Variants in MAML1 observed in about 807,000 individuals in gnomAD.
MAML1 encodes the protein mastermind like transcriptional coactivator 1, also known as mastermind-like protein 1.
MAML1 carries 14 observed loss-of-function variants against 77.1 expected under a neutral mutation model. That is an observed-to-expected ratio of 0.18 (90% CI 0.12 to 0.28). The LOEUF is 0.28. Ranked by LOEUF, MAML1 falls within the 10% of genes least tolerant of loss-of-function variation. The probability of loss-of-function intolerance (pLI) is 1.00; values close to 1 mark genes in which losing one functional copy is unlikely to be tolerated. For synonymous variants in MAML1, 516 were observed against 551.9 expected, an observed-to-expected ratio of 0.93 and a Z score of 0.91; for missense variants, 1,217 against 1,327.8, an observed-to-expected ratio of 0.92 and a Z score of 1.30.
At position 179,774,605 on chromosome 5, in the gene MAML1, G is replaced by A. The variant is rs746556722; in HGVS notation, c.2779G>A (p.Gly927Ser). The A allele has an allele frequency of 2.5e-6, 4 of 1,612,084 alleles. No individual in the cohort carries two copies. In the African/African-American group the frequency reaches 5.3e-5, roughly 22 times the overall value. ...ACCACCCCCAACAGCCCCTCAGCAG[G>A]GCTTGCCTGGCCTGAGCCCAGCAGG... The part of the protein sequence containing the change: ...PAPPPTAPQQ[G>S]LPGLSPAGPE... Residue 927 changes from glycine (G) to serine (S), a missense_variant, in exon 5 of 5, where the codon GGC becomes AGC. This residue lies in a region of MAML1 where 884 missense variants were observed against 949.3 expected (regional missense o/e 0.93). Transcript: ENST00000292599.
chr5:179,775,083 G>T lies in MAML1; in HGVS notation c.*206G>T. ...GTTGAGGTCCATCGGGCTGGCCCCAGCCCATCTGCTGGCATCAGTACCTGG... is the reference window on the plus strand; with the variant it reads ...GTTGAGGTCCATCGGGCTGGCCCCATCCCATCTGCTGGCATCAGTACCTGG... On this transcript the variant is annotated 3_prime_UTR_variant, in exon 5 of 5. Coordinates refer to ENST00000292599, the MANE Select transcript of MAML1 (RefSeq NM_014757.5). 1 of 1,378,218 alleles carries T rather than the reference G, an allele frequency of 7.3e-7. No homozygotes were observed. Among genetic ancestry groups the T allele is most frequent in the East Asian group, 2.7e-5 (1 of 36,956 alleles). The allele number at this position is 1,378,218 out of a possible 1,614,324, so 85.4% of individuals were successfully genotyped here.
At chr5:179,752,964 G>A (rs1304979498) in intron 1 of MAML1, among the ~76,000 whole-genome samples, 3 of 152,026 alleles carry the variant, frequency 2.0e-5, no homozygotes, top group Non-Finnish European at 2.9e-5. Context: ...GTAGAGACAG[G>A]GTTTCACCAT....
At chr5:179,735,593 G>T (rs1441906544) in intron 1 of MAML1, among the ~76,000 whole-genome samples, 12 of 152,090 alleles carry the variant, frequency 7.9e-5, no homozygotes, top group Admixed American at 7.9e-4. Context: ...GTTTCACCAT[G>T]TTGACCAGGC....
At chr5:179,767,259 A>G (rs1779839329) in intron 2 of MAML1, among the ~76,000 whole-genome samples, 1 of 152,086 alleles carries the variant, frequency 6.6e-6, no homozygotes, top group Non-Finnish European at 1.5e-5. Flanking sequence ...TCAAATGGAA[A>G]ATGGCCCTTC....
intron 1 of MAML1, 96 bp downstream of exon 1, chr5:179,733,523 AGGCGTCC>A: frequency 1.1e-6 from 1 of 948,334 alleles, no homozygotes; most frequent in Non-Finnish European, 1.3e-6. Context: ...AGACTTCCCC[AGGCGTCC>A]GCGACTCCTG....
Position 179,733,409 on chromosome 5 carries a change from G to T in MAML1, c.297G>T (p.Glu99Asp). ...GCCTGGACGCCGCTGACGGCCCCGAGCACGGCCGCCCGGCCACGGTGAGTA... is the reference window on the plus strand; with the variant it reads ...GCCTGGACGCCGCTGACGGCCCCGATCACGGCCGCCCGGCCACGGTGAGTA... ...APRLDAADGP[E>D]HGRPATHLHD... The change falls in exon 1 of 5, where the codon GAG (glutamate) becomes GAT (aspartate). Residue 99 changes from glutamate (E) to aspartate (D), a missense_variant. Transcript: ENST00000292599. The T allele has an allele frequency of 8.9e-7, 1 of 1,117,648 alleles. No homozygotes were observed. The highest frequency in any genetic ancestry group is 1.1e-6 in the Non-Finnish European group (1 of 918,640). 69.2% of individuals were successfully genotyped at this position (1,117,648 alleles called of 1,614,324 possible).
rs1033740252 is a variant in MAML1 at position 179,769,398 on chromosome 5, G to A, written c.1971+309G>A. ...GCAGCTTCCAAGCCACTGAGCTCAC[G>A]TGTCTGTCATTCCACTATGGAGTCA... On this transcript the variant is annotated intron_variant, in intron 3 of 4. Transcript: ENST00000292599. This position sits in a 1 kb window ranked among gnomAD's most constrained non-coding sequence, Gnocchi z 4.2. Among the ~76,000 whole-genome samples, 2 of 152,124 alleles carry A rather than the reference G, an allele frequency of 1.3e-5. No homozygotes were observed. The highest frequency in any genetic ancestry group is 2.4e-5 in the African/African-American group (1 of 41,430).
At chr5:179,743,140 C>T (rs1012252684) in intron 1 of MAML1, among the ~76,000 whole-genome samples, 6 of 151,412 alleles carry the variant, frequency 4.0e-5, no homozygotes, top group Middle Eastern at 3.4e-3. Flanking sequence ...GCAACCTCCA[C>T]CTCCCGGGTT....
chr5:179,743,812 C>G (rs2113341208), intron 1 of MAML1, among the ~76,000 whole-genome samples: 1 of 152,034 alleles, frequency 6.6e-6, no homozygotes, highest in East Asian at 1.9e-4. Context: ...TGAAATAATA[C>G]ATTTAGGTAA....
rs1179250067 is a variant in MAML1, at chr5:179,769,501, T to C, written c.1971+412T>C. Among the ~76,000 whole-genome samples, 2 of 152,058 alleles carry C rather than the reference T, an allele frequency of 1.3e-5. No individual in the cohort carries two copies. The highest frequency in any genetic ancestry group is 2.9e-5 in the Non-Finnish European group (2 of 68,016). ...GAAGTCATCCCTGAGGGAAACACAGTTCACTCGCTTGGTTAGCAAGTGTAG... is the reference window on the plus strand; with the variant it reads ...GAAGTCATCCCTGAGGGAAACACAGCTCACTCGCTTGGTTAGCAAGTGTAG... On this transcript the variant is annotated intron_variant, in intron 3 of 4. Coordinates refer to ENST00000292599, the MANE Select transcript of MAML1 (RefSeq NM_014757.5). The surrounding 1 kb of genome is among the most constrained non-coding windows in gnomAD (Gnocchi z 4.2).
Position 179,739,571 on chromosome 5 carries a change from C to T in MAML1, c.315+6144C>T, listed in dbSNP as rs1012121795. Among the ~76,000 whole-genome samples the T allele has an allele frequency of 2.0e-5, 3 of 152,162 alleles. No individual in the cohort carries two copies. In the East Asian group the frequency reaches 5.8e-4, roughly 29 times the overall value. On this transcript the variant is annotated intron_variant, in intron 1 of 4. Transcript: ENST00000292599. ...TGGTGGCATGCATCTGTATTCTCAG[C>T]TCCTCGGGAGACCGAAGTAGGAGGA...
At chr5:179,741,938 G>A (rs1284503066) in intron 1 of MAML1, among the ~76,000 whole-genome samples, 4 of 151,620 alleles carry the variant, frequency 2.6e-5, no homozygotes, top group South Asian at 2.1e-4. Context: ...TCCGTCTGTC[G>A]CCAGGCTGGA....
At chr5:179,749,615 G>A (rs145254179) in intron 1 of MAML1, among the ~76,000 whole-genome samples, 39 of 152,322 alleles carry the variant, frequency 2.6e-4, no homozygotes, top group African/African-American at 7.7e-4. Flanking sequence ...GCTACTGGAA[G>A]ATGTGTTCCA....
Position 179,769,678 on chromosome 5 carries a change from G to A in MAML1, c.1971+589G>A, listed in dbSNP as rs1285568852. ...TGCAATTCTCCTGCCTCAGCCTCCC[G>A]AGTAGCTGGGACTACAGGCAAGAAC... On this transcript the variant is annotated intron_variant, in intron 3 of 4. Coordinates refer to ENST00000292599, the MANE Select transcript of MAML1 (RefSeq NM_014757.5). This position sits in a 1 kb window ranked among gnomAD's most constrained non-coding sequence, Gnocchi z 4.2. Among the ~76,000 whole-genome samples, 2 of 151,770 alleles carry A rather than the reference G, an allele frequency of 1.3e-5. No individual in the cohort carries two copies. The highest frequency in any genetic ancestry group is 6.6e-5 in the Admixed American group (1 of 15,246).
At chr5:179,757,961 A>C (rs35727607) in intron 1 of MAML1, among the ~76,000 whole-genome samples, 12,592 of 152,316 alleles carry the variant, frequency 0.083, 755 homozygotes, top group Admixed American at 0.17. Flanking sequence ...AACTATACAC[A>C]TGCATTATAC....
At chr5:179,735,172 G>A (rs981718552) in intron 1 of MAML1, among the ~76,000 whole-genome samples, 1 of 151,558 alleles carries the variant, frequency 6.6e-6, no homozygotes, top group African/African-American at 2.4e-5. Context: ...CTTAAAGTAT[G>A]ATAATAATAA....
intron 1 of MAML1, among the ~76,000 whole-genome samples, chr5:179,736,473 G>A (rs992681237): frequency 6.6e-6 from 1 of 151,684 alleles, no homozygotes; most frequent in East Asian, 2.0e-4. Context: ...GGATGGTCTC[G>A]ATCTCCTGAC....
rs200610930 is a variant in MAML1, at chr5:179,774,495, T to C, written c.2669T>C (p.Met890Thr). Residue 890 changes from methionine to threonine, a missense_variant, in exon 5 of 5, where the codon ATG becomes ACG. Physicochemically the swap from Met to Thr is moderately conservative, Grantham distance 81. Around this residue, in one of 3 missense-constraint regions of MAML1, gnomAD observed 884 missense variants for 949.3 expected, o/e 0.93. Transcript: ENST00000292599. ...TCCCAGGCAGTGCCCAACAGGCCCA[T>C]GGCTCCCATGAGCTCAGCAGCTGCC... The part of the protein sequence containing the change: ...QFSQAVPNRP[M>T]APMSSAAAVG... 6.2e-7 allele frequency: 1 copy of C among 1,613,294 alleles called. No homozygotes were observed. The highest frequency in any genetic ancestry group is 1.3e-5 in the African/African-American group (1 of 75,074).
At position 179,775,904 on chromosome 5, in the gene MAML1, T is replaced by A. The variant is rs546545979; in HGVS notation, c.*1027T>A. The A allele has an allele frequency of 1.0e-6, 1 of 985,656 alleles. No individual in the cohort carries two copies. Among genetic ancestry groups the A allele is most frequent in the Non-Finnish European group, 1.2e-6 (1 of 829,928 alleles). 61.1% of individuals were successfully genotyped at this position (985,656 alleles called of 1,614,324 possible). ...AGTCTTAGAATTCCTAAGGGAACCT[T>A]AGCATAAAGGTTTTGGGGAAGGAGG... On this transcript the variant is annotated 3_prime_UTR_variant, in exon 5 of 5. Coordinates refer to ENST00000292599, the MANE Select transcript of MAML1 (RefSeq NM_014757.5).
Sources: gnomAD v4.1 joint callset for allele counts (sites outside exome capture counted in the v4.1 genomes callset) on GRCh38, gnomAD v4.1.1 for gene constraint, gnomAD v4.1.1 regional missense constraint, Gnocchi (gnomAD v3.1) non-coding constraint, MANE v1.5 for transcripts, NCBI Gene and HGNC (gene_info 2026-07-23, HGNC 2026-07-21) for gene names.